WARS2: variants seen among roughly 807,000 people sequenced by gnomAD.
The protein encoded by WARS2 is tryptophanyl tRNA synthetase 2, mitochondrial.
In WARS2, 28 loss-of-function variants were observed where a neutral mutation model predicts 36.5. The ratio of observed to expected loss-of-function variants is 0.77; its 90% CI spans 0.57 to 1.05. The LOEUF is 1.05. Among genes scored for constraint, WARS2 ranks in the 50% least tolerant of loss-of-function variants. The pLI, the probability that WARS2 is intolerant of heterozygous loss-of-function variation, is 0.00. For synonymous variants in WARS2, 174 were observed against 178.4 expected, an observed-to-expected ratio of 0.98 and a Z score of 0.20; for missense variants, 435 against 456.8, an observed-to-expected ratio of 0.95 and a Z score of 0.44.
chr1:119,037,172 G>C (rs1245029395), intron 4 of WARS2, among the ~76,000 whole-genome samples: 1 of 151,562 alleles, frequency 6.6e-6, no homozygotes, highest in East Asian at 1.9e-4. Context: ...CTCTGACTGT[G>C]CTTTCTTAGA....
rs147152332 is a variant in WARS2 at position 119,127,528 on chromosome 1, C to T, written c.90+13027G>A. 1.9e-4 allele frequency among the ~76,000 whole-genome samples: 29 copies of T among 152,206 alleles called. No homozygotes were observed. In the East Asian group the frequency reaches 4.4e-3, roughly 23 times the overall value. On this transcript the variant is annotated intron_variant, in intron 1 of 5. Transcript: ENST00000235521. ...AGGCTCAGTAACTTGCTCAAGGATA[C>T]CCATTTATTGAGTGGAAGAACTTTG...
chr1:119,043,638 G>C (rs1404199932), intron 3 of WARS2, among the ~76,000 whole-genome samples: 1 of 152,206 alleles, frequency 6.6e-6, no homozygotes, highest in African/African-American at 2.4e-5. Flanking sequence ...ATAAAGGCTA[G>C]TTCACAATTA....
chr1:119,103,769 T>A (rs1654040039), intron 1 of WARS2, among the ~76,000 whole-genome samples: 2 of 151,938 alleles, frequency 1.3e-5, no homozygotes, highest in South Asian at 2.1e-4. Flanking sequence ...AGTGTATTTA[T>A]CTATAACTTT....
chr1:119,085,049 C>A (rs982581632), intron 1 of WARS2: 85 of 695,448 alleles, frequency 1.2e-4, no homozygotes, highest in Middle Eastern at 8.1e-4. Context: ...CCCGGCAGCG[C>A]TGGGTCCTTT....
At chr1:119,131,661 C>A (rs1231393041) in intron 1 of WARS2, among the ~76,000 whole-genome samples, 1 of 151,984 alleles carries the variant, frequency 6.6e-6, no homozygotes, top group Non-Finnish European at 1.5e-5. Context: ...TGAGGTTTCA[C>A]CGTGTTAGCC....
intron 2 of WARS2, among the ~76,000 whole-genome samples, chr1:119,072,407 C>T (rs1440352691): frequency 6.6e-6 from 1 of 151,988 alleles, no homozygotes; most frequent in Non-Finnish European, 1.5e-5. Context: ...AAAGAGAAAG[C>T]AACTAAAAAA....
chr1:119,108,523 T>C (rs948482691), intron 1 of WARS2, among the ~76,000 whole-genome samples: 5 of 145,028 alleles, frequency 3.4e-5, no homozygotes, highest in Non-Finnish European at 7.6e-5. Context: ...GTGGGATCCA[T>C]AGTAATATTC....
chr1:119,112,953 C>G (rs903997874), intron 1 of WARS2, among the ~76,000 whole-genome samples: 1 of 152,056 alleles, frequency 6.6e-6, no homozygotes, highest in African/African-American at 2.4e-5. Context: ...GCAGTGACTA[C>G]CATGACTGAC....
chr1:119,053,952 G>A (rs1649567762), intron 2 of WARS2, among the ~76,000 whole-genome samples: 1 of 152,044 alleles, frequency 6.6e-6, no homozygotes, highest in South Asian at 2.1e-4. Flanking sequence ...AGCTACTCAG[G>A]AGGCTGAGGC....
rs186707172 is a variant in WARS2, at chr1:119,122,469, T to C, written c.90+18086A>G. Among the ~76,000 whole-genome samples the C allele has an allele frequency of 1.4e-4, 22 of 152,316 alleles. No individual in the cohort carries two copies. In the East Asian group the frequency reaches 2.5e-3, roughly 17 times the overall value. On this transcript the variant is annotated intron_variant, in intron 1 of 5. Transcript: ENST00000235521. ...GGAATGTAAACTAGTACAACCACTA[T>C]GGAAAACACTATGAAGATTCCTTAA...
chr1:119,091,572 A>T (rs1005637870), intron 1 of WARS2, among the ~76,000 whole-genome samples: 2 of 152,188 alleles, frequency 1.3e-5, no homozygotes, highest in Non-Finnish European at 2.9e-5. Flanking sequence ...TAAACTTCTA[A>T]GGGGTGTGTG....
At chr1:119,099,904 G>A (rs183786493) in intron 1 of WARS2, among the ~76,000 whole-genome samples, 10 of 152,282 alleles carry the variant, frequency 6.6e-5, no homozygotes, top group African/African-American at 2.2e-4. Context: ...AAGAATTTAT[G>A]ACTAAGTCCT....
At chr1:119,085,035 T>C in intron 1 of WARS2, 1 of 661,468 alleles carries the variant, frequency 1.5e-6, no homozygotes. Flanking sequence ...CAAAGACTCC[T>C]GCTCCCGGCA....
chr1:119,038,995 T>C (rs886985675), intron 4 of WARS2, among the ~76,000 whole-genome samples: 5 of 152,262 alleles, frequency 3.3e-5, no homozygotes, highest in African/African-American at 1.2e-4. Context: ...TCCAGTCTTC[T>C]TATCCTCTTC....
intron 1 of WARS2, among the ~76,000 whole-genome samples, chr1:119,132,913 C>T (rs1276249665): frequency 6.6e-6 from 1 of 152,164 alleles, no homozygotes; most frequent in African/African-American, 2.4e-5. Context: ...TTGTCCCTTG[C>T]AGAAATGGCC....
intron 3 of WARS2, 131 bp from the exon 4 acceptor site, chr1:119,042,480 C>T (rs1044873093): frequency 1.3e-5 from 10 of 742,628 alleles, no homozygotes; most frequent in South Asian, 8.7e-5. Context: ...CATTATACAT[C>T]GGTTCCTTTT....
chr1:119,083,384 A>G (rs1033756535), intron 1 of WARS2, among the ~76,000 whole-genome samples: 1 of 152,156 alleles, frequency 6.6e-6, no homozygotes, highest in Non-Finnish European at 1.5e-5. Context: ...CTCACCACAC[A>G]CCAAGGCTGG....
At chr1:119,065,653 G>T (rs990483826) in intron 2 of WARS2, among the ~76,000 whole-genome samples, 7 of 145,012 alleles carry the variant, frequency 4.8e-5, no homozygotes, top group African/African-American at 1.8e-4. Context: ...AAAAAAAAAG[G>T]AAATAAATAA....
At chr1:119,139,790 C>T (rs1352037787) in intron 1 of WARS2, 1 of 152,208 alleles carries the variant, frequency 6.6e-6, no homozygotes, top group Non-Finnish European at 1.5e-5. Flanking sequence ...GCCACTGAGA[C>T]TGTACTTGGA....
Sources: gnomAD v4.1 joint callset for allele counts (sites outside exome capture counted in the v4.1 genomes callset) on GRCh38, gnomAD v4.1.1 for gene constraint, MANE v1.5 for transcripts, NCBI Gene and HGNC (gene_info 2026-07-23, HGNC 2026-07-21) for gene names.